The following SLC1A2 variants were observed in gnomAD, a reference collection of about 807,000 sequenced individuals.
The protein encoded by SLC1A2 is solute carrier family 1 member 2.
In SLC1A2, 15 loss-of-function variants were observed where a neutral mutation model predicts 48.8. The ratio of observed to expected loss-of-function variants is 0.31; its 90% CI spans 0.21 to 0.47. The LOEUF (loss-of-function observed/expected upper bound fraction) is 0.47. Among genes scored for constraint, SLC1A2 ranks in the 20% least tolerant of loss-of-function variants. The probability of loss-of-function intolerance (pLI) is 0.99; values close to 1 mark genes in which losing one functional copy is unlikely to be tolerated. For missense variants in SLC1A2, 502 were observed against 730.5 expected (o/e 0.69, Z 3.61); for synonymous variants, 279 against 272.6 (o/e 1.02, Z -0.23).
intron 1 of SLC1A2, among the ~76,000 whole-genome samples, chr11:35,408,389 T>C (rs1340687971): frequency 6.6e-6 from 1 of 152,216 alleles, no homozygotes; most frequent in Non-Finnish European, 1.5e-5. Flanking sequence ...AGGGAGGTAA[T>C]TGAATCATGG....
chr11:35,272,533 C>G (rs1850308607), intron 9 of SLC1A2, among the ~76,000 whole-genome samples: 1 of 152,202 alleles, frequency 6.6e-6, no homozygotes, highest in African/African-American at 2.4e-5. Flanking sequence ...AGGGGAATGT[C>G]TGACCAACTC....
chr11:35,353,047 T>C (rs1853322851), intron 1 of SLC1A2, among the ~76,000 whole-genome samples: 1 of 152,236 alleles, frequency 6.6e-6, no homozygotes, highest in Admixed American at 6.5e-5. Context: ...GATAGGCTTT[T>C]TTTTTAAGAT....
chr11:35,365,160 T>A (rs1440481920), intron 1 of SLC1A2, among the ~76,000 whole-genome samples: 2 of 152,180 alleles, frequency 1.3e-5, no homozygotes, highest in Non-Finnish European at 1.5e-5. Context: ...CAGGAGATGA[T>A]ACTGAGGAGG....
intron 1 of SLC1A2, among the ~76,000 whole-genome samples, chr11:35,394,478 A>G (rs1218945035): frequency 6.6e-6 from 1 of 152,200 alleles, no homozygotes; most frequent in East Asian, 1.9e-4. Context: ...TGATGAAAAA[A>G]AAATCCCTAA....
rs1950310955 is a variant in SLC1A2 at position 35,256,039 on chromosome 11, A to AT, written c.*4854dup. 1 of 152,204 alleles carries AT rather than the reference A, an allele frequency of 6.6e-6. No homozygotes were observed. Among genetic ancestry groups the AT allele is most frequent in the Non-Finnish European group, 1.5e-5 (1 of 68,038 alleles). 9.4% of individuals were successfully genotyped at this position (152,204 alleles called of 1,614,324 possible). A position where few individuals can be genotyped will look rare whatever the true frequency, so the allele number is the denominator to read the frequency against. ...GGAAACAAAGCAGAGATCATAATAC[A>AT]TTGGGCTCATAGGGCTGGAAGGGGA... On this transcript the variant is annotated 3_prime_UTR_variant, in exon 11 of 11. Transcript: ENST00000278379.
intron 1 of SLC1A2, among the ~76,000 whole-genome samples, chr11:35,408,985 G>A (rs1855382050): frequency 6.6e-6 from 1 of 152,208 alleles, no homozygotes; most frequent in African/African-American, 2.4e-5. Flanking sequence ...CTCTACAATT[G>A]AGTCACTGGA....
rs150111406 is a variant in SLC1A2, at chr11:35,389,507, G to A, written c.17+29443C>T. On this transcript the variant is annotated intron_variant, in intron 1 of 10. Coordinates refer to ENST00000278379, the MANE Select transcript of SLC1A2 (RefSeq NM_004171.4). ...TTTGGTGAGACAGAGCTTCACTCTT[G>A]TCACCCTGGCTGGAGTGCAATGGCA... Among the ~76,000 whole-genome samples, 15 of 151,428 alleles carry A rather than the reference G, an allele frequency of 9.9e-5. No individual in the cohort carries two copies. In the East Asian group the frequency reaches 2.9e-3, roughly 29 times the overall value.
At chr11:35,419,682 C>G (rs1029621124), upstream of SLC1A2, 2 of 162,596 alleles carry the variant, frequency 1.2e-5, no homozygotes, top group African/African-American at 2.4e-5. The surrounding 1 kb of genome is among the most constrained non-coding windows in gnomAD (Gnocchi z 5.4). Flanking sequence ...GAAAAGAGGC[C>G]CCGCCGCTCG....
chr11:35,347,555 G>A (rs1318561895), intron 1 of SLC1A2, among the ~76,000 whole-genome samples: 1 of 152,236 alleles, frequency 6.6e-6, no homozygotes, highest in African/African-American at 2.4e-5. Flanking sequence ...TTAATTAGCA[G>A]TATCTGCCGT....
intron 1 of SLC1A2, among the ~76,000 whole-genome samples, chr11:35,329,803 C>T (rs188467205): frequency 2.2e-4 from 33 of 152,296 alleles, no homozygotes; most frequent in African/African-American, 7.2e-4. Context: ...TTATGGTGAG[C>T]CTATATCTGT....
At chr11:35,347,983 A>T (rs946227708) in intron 1 of SLC1A2, among the ~76,000 whole-genome samples, 4 of 152,234 alleles carry the variant, frequency 2.6e-5, no homozygotes, top group African/African-American at 9.6e-5. Flanking sequence ...TCTTCCTCTG[A>T]AGCTAGCTTC....
intron 4 of SLC1A2, 81 bp from the exon 5 acceptor site, chr11:35,306,323 T>C: frequency 8.8e-7 from 1 of 1,133,306 alleles, no homozygotes; most frequent in Admixed American, 2.3e-5. Context: ...TACTCATATA[T>C]TTTAAGGTTC....
chr11:35,284,824 C>T (rs1216731422), intron 8 of SLC1A2, among the ~76,000 whole-genome samples: 2 of 152,130 alleles, frequency 1.3e-5, no homozygotes, highest in Non-Finnish European at 2.9e-5. Context: ...AGCAAATTTC[C>T]AGCACTGCTA....
intron 1 of SLC1A2, among the ~76,000 whole-genome samples, chr11:35,404,130 G>GAC (rs10668268): frequency 0.58 from 87,318 of 151,574 alleles, 25,510 homozygotes; most frequent in Middle Eastern, 0.69. Context: ...ATTTTGAAAA[G>GAC]AAATACCTGT....
chr11:35,305,968 C>A, intron 5 of SLC1A2, 106 bp downstream of exon 5: 1 of 995,512 alleles, frequency 1.0e-6, no homozygotes, highest in Non-Finnish European at 1.5e-6. Context: ...AGAGAGCCTC[C>A]TGCTCCACCT....
intron 7 of SLC1A2, among the ~76,000 whole-genome samples, chr11:35,291,169 C>A (rs1424298754): frequency 6.6e-6 from 1 of 152,116 alleles, no homozygotes; most frequent in Non-Finnish European, 1.5e-5. Context: ...AGTTTTGTGA[C>A]CCAAGGACAT....
intron 1 of SLC1A2, among the ~76,000 whole-genome samples, chr11:35,363,066 C>A (rs749559308): frequency 4.6e-5 from 7 of 152,148 alleles, no homozygotes; most frequent in African/African-American, 1.4e-4. Flanking sequence ...AGCAGGTCAG[C>A]GGCAGACCCT....
At chr11:35,411,402 C>G (rs1855456522) in intron 1 of SLC1A2, among the ~76,000 whole-genome samples, 1 of 152,178 alleles carries the variant, frequency 6.6e-6, no homozygotes, top group Non-Finnish European at 1.5e-5. Context: ...TGATGTCCAT[C>G]CACTTTCCTA....
intron 8 of SLC1A2, among the ~76,000 whole-genome samples, chr11:35,283,947 T>G (rs1850722155): frequency 6.6e-6 from 1 of 151,570 alleles, no homozygotes; most frequent in African/African-American, 2.4e-5. Flanking sequence ...GACTGGTGCC[T>G]GGCTCATACT....
Sources: allele counts gnomAD v4.1 joint callset (sites outside exome capture counted in the v4.1 genomes callset), GRCh38; gene constraint gnomAD v4.1.1; non-coding constraint Gnocchi (gnomAD v3.1); transcripts MANE v1.5; gene names NCBI Gene and HGNC (gene_info 2026-07-23, HGNC 2026-07-21).